The following ADK variants were observed in gnomAD, a reference collection of about 807,000 sequenced individuals.
ADK encodes adenosine kinase, also known as N6,N6-dimethyladenosine kinase.
A neutral mutation model predicts 44.7 loss-of-function variants in ADK; 24 were observed. The observed-to-expected ratio is 0.54, with a 90% confidence interval of 0.39 to 0.76. The LOEUF is 0.76. Ranked by LOEUF, ADK falls within the 30% of genes least tolerant of loss-of-function variation. The pLI is 0.00. For missense variants in ADK, 321 were observed against 425.1 expected, an observed-to-expected ratio of 0.76 and a Z score of 2.15; for synonymous variants, 128 against 142.6, an observed-to-expected ratio of 0.90 and a Z score of 0.73.
intron 9 of ADK, 53 bp downstream of exon 9, chr10:74,600,546 CA>C (rs200627441): frequency 6.2e-4 from 715 of 1,155,010 alleles, no homozygotes; most frequent in Admixed American, 1.4e-3. Context: ...TAATCAATTA[CA>C]AAAAAAAATT....
At chr10:74,283,176 A>G (rs1190777993) in intron 3 of ADK, among the ~76,000 whole-genome samples, 2 of 152,154 alleles carry the variant, frequency 1.3e-5, no homozygotes, top group African/African-American at 4.8e-5. Flanking sequence ...CATGTAGATG[A>G]CGTTTCTAAT....
At chr10:74,663,245 A>T (rs981348885) in intron 9 of ADK, among the ~76,000 whole-genome samples, 2 of 129,258 alleles carry the variant, frequency 1.5e-5, no homozygotes, top group African/African-American at 6.0e-5. Flanking sequence ...AAAAAAAAAA[A>T]ATAATATATA....
chr10:74,365,313 A>T (rs1203092014), intron 4 of ADK, among the ~76,000 whole-genome samples: 1 of 152,266 alleles, frequency 6.6e-6, no homozygotes, highest in African/African-American at 2.4e-5. Context: ...TCATCCATTA[A>T]TCAGCTTTCT....
intron 2 of ADK, among the ~76,000 whole-genome samples, chr10:74,213,340 C>T (rs568278843): frequency 1.3e-5 from 2 of 152,286 alleles, no homozygotes; most frequent in South Asian, 2.1e-4. Context: ...TTGGAATCCT[C>T]TGACCTCATT....
At chr10:74,254,788 A>G (rs112593580) in intron 3 of ADK, among the ~76,000 whole-genome samples, 4,839 of 152,248 alleles carry the variant, frequency 0.032, 271 homozygotes, top group African/African-American at 0.11. Context: ...AATCTGTTTT[A>G]GTTGCACAGA....
intron 5 of ADK, among the ~76,000 whole-genome samples, chr10:74,394,857 A>G (rs1354721193): frequency 6.6e-6 from 1 of 152,198 alleles, no homozygotes; most frequent in East Asian, 1.9e-4. Context: ...GTAGTATACC[A>G]CTAACAAAAC....
At chr10:74,510,142 T>G (rs745992928) in intron 6 of ADK, among the ~76,000 whole-genome samples, 5 of 152,196 alleles carry the variant, frequency 3.3e-5, no homozygotes, top group Non-Finnish European at 4.4e-5. Flanking sequence ...TACTTGTGGT[T>G]TTTAGGAAAC....
intron 1 of ADK, among the ~76,000 whole-genome samples, chr10:74,184,534 TGTG>T: frequency 6.7e-6 from 1 of 149,206 alleles, no homozygotes; most frequent in Admixed American, 6.7e-5. Flanking sequence ...TGTGTGTGTG[TGTG>T]TGTGTGTCAG....
At chr10:74,639,269 A>G (rs1254803254) in intron 9 of ADK, among the ~76,000 whole-genome samples, 2 of 152,228 alleles carry the variant, frequency 1.3e-5, no homozygotes, top group African/African-American at 4.8e-5. Flanking sequence ...TACTCTTAAT[A>G]TTGCTAGAGT....
At chr10:74,478,919 C>G (rs942096350) in intron 6 of ADK, among the ~76,000 whole-genome samples, 4 of 152,200 alleles carry the variant, frequency 2.6e-5, no homozygotes, top group African/African-American at 7.2e-5. Context: ...TTGGTCTTCA[C>G]TACTGTGTGT....
chr10:74,241,324 T>TC (rs1051914548), intron 3 of ADK, among the ~76,000 whole-genome samples: 1 of 152,116 alleles, frequency 6.6e-6, no homozygotes, highest in Admixed American at 6.6e-5. Flanking sequence ...ATTTTCAGCA[T>TC]CCCCCACCAG....
At chr10:74,460,554 A>C (rs1436811428) in intron 6 of ADK, among the ~76,000 whole-genome samples, 2 of 152,170 alleles carry the variant, frequency 1.3e-5, no homozygotes, top group African/African-American at 4.8e-5. Flanking sequence ...ATTCCTATTG[A>C]AGGATACTTA....
At chr10:74,345,068 G>A (rs996709435) in intron 4 of ADK, among the ~76,000 whole-genome samples, 1 of 152,224 alleles carries the variant, frequency 6.6e-6, no homozygotes, top group Non-Finnish European at 1.5e-5. Context: ...ATTCAATAGT[G>A]AAGCCATTCA....
chr10:74,217,619 C>G (rs1437678611), intron 2 of ADK, among the ~76,000 whole-genome samples: 1 of 152,192 alleles, frequency 6.6e-6, no homozygotes, highest in East Asian at 1.9e-4. Context: ...GGGAGGCACC[C>G]CCCAGTAGGA....
intron 9 of ADK, among the ~76,000 whole-genome samples, chr10:74,658,420 AG>A (rs2134159554): frequency 6.6e-6 from 1 of 152,164 alleles, no homozygotes; most frequent in African/African-American, 2.4e-5. Context: ...AAAACAGCAG[AG>A]GAAATCAGTT....
chr10:74,603,035 G>A (rs1852195063), intron 9 of ADK, among the ~76,000 whole-genome samples: 2 of 152,054 alleles, frequency 1.3e-5, no homozygotes, highest in Admixed American at 6.6e-5. Context: ...AAAAATGCTT[G>A]GCCTGTGGGG....
chr10:74,160,196 G>GT (rs1044533504), intron 1 of ADK, among the ~76,000 whole-genome samples: 4 of 152,138 alleles, frequency 2.6e-5, no homozygotes, highest in Non-Finnish European at 4.4e-5. Context: ...TCAGCTTTCC[G>GT]TAAGTCACAC....
chr10:74,506,266 T>A (rs930321002), intron 6 of ADK: 2 of 200,864 alleles, frequency 1.0e-5, no homozygotes, highest in Non-Finnish European at 2.0e-5. Flanking sequence ...ACCACAATGG[T>A]CCTTACACTG....
intron 4 of ADK, among the ~76,000 whole-genome samples, chr10:74,393,626 A>G (rs1037082520): frequency 6.6e-6 from 1 of 152,204 alleles, no homozygotes; most frequent in African/African-American, 2.4e-5. Flanking sequence ...ACATTAATTT[A>G]CATCATTTCA....
Sources: allele counts gnomAD v4.1 joint callset (sites outside exome capture counted in the v4.1 genomes callset), GRCh38; gene constraint gnomAD v4.1.1; transcripts MANE v1.5; gene names NCBI Gene and HGNC (gene_info 2026-07-23, HGNC 2026-07-21).